SCAI: variants seen among roughly 807,000 people sequenced by gnomAD.
The protein encoded by SCAI is suppressor of cancer cell invasion, also known as protein SCAI.
SCAI carries 24 observed loss-of-function variants against 92.2 expected under a neutral mutation model. That is an observed-to-expected ratio of 0.26 (90% CI 0.19 to 0.37). The LOEUF is 0.37. SCAI is among the 10% of genes least tolerant of loss of function. SCAI has a pLI of 1.00. For synonymous variants in SCAI, 261 were observed against 258.6 expected, an observed-to-expected ratio of 1.01 and a Z score of -0.09; for missense variants, 450 against 736.2, an observed-to-expected ratio of 0.61 and a Z score of 4.50.
intron 2 of SCAI, among the ~76,000 whole-genome samples, chr9:125,088,596 T>A (rs1834367727): frequency 1.3e-5 from 2 of 152,148 alleles, no homozygotes; most frequent in African/African-American, 4.8e-5. Flanking sequence ...CAGTCTCAGG[T>A]AGTTCTTTAT....
intron 3 of SCAI, among the ~76,000 whole-genome samples, chr9:125,037,644 G>A (rs1833227389): frequency 6.6e-6 from 1 of 152,200 alleles, no homozygotes; most frequent in Non-Finnish European, 1.5e-5. Flanking sequence ...GCCGGGTACA[G>A]TGGCTCAAGC....
At chr9:125,125,830 TC>T (rs1835253821) in intron 2 of SCAI, among the ~76,000 whole-genome samples, 10 of 119,142 alleles carry the variant, frequency 8.4e-5, no homozygotes, top group African/African-American at 3.2e-4. Context: ...AGACTTTGTC[TC>T]AAAAAAAAAA....
chr9:125,037,183 T>C (rs1324885863), intron 3 of SCAI, among the ~76,000 whole-genome samples: 4 of 151,560 alleles, frequency 2.6e-5, no homozygotes, highest in Admixed American at 2.6e-4. Context: ...GCAGGAGAAT[T>C]GCTTGAAACT....
At position 124,963,570 on chromosome 9, in the gene SCAI, C is replaced by T. The variant is rs574364806; in HGVS notation, c.1674+7800G>A. 2.0e-5 allele frequency among the ~76,000 whole-genome samples: 3 copies of T among 151,528 alleles called. 1 individual carries two copies. The East Asian group carries it at 6.0e-4, about 30-fold the overall frequency. ...TTCGAGACCAGGTTGGCCAACATGG[C>T]GAAATCCCACCTCTACTAAAAATAC... On this transcript the variant is annotated intron_variant, in intron 17 of 17. Coordinates refer to ENST00000336505, the MANE Select transcript of SCAI (RefSeq NM_001144877.3).
At chr9:125,057,058 A>T (rs1833683474) in intron 2 of SCAI, among the ~76,000 whole-genome samples, 1 of 152,236 alleles carries the variant, frequency 6.6e-6, no homozygotes, top group African/African-American at 2.4e-5. Flanking sequence ...TTAAAAACTG[A>T]TTTGTGTTTA....
At chr9:125,066,266 A>T (rs1410986704) in intron 2 of SCAI, among the ~76,000 whole-genome samples, 1 of 152,056 alleles carries the variant, frequency 6.6e-6, no homozygotes, top group Non-Finnish European at 1.5e-5. Flanking sequence ...AAAATTTTTA[A>T]ATCAATTTAG....
At chr9:125,071,277 T>C (rs1448392744) in intron 2 of SCAI, among the ~76,000 whole-genome samples, 2 of 152,218 alleles carry the variant, frequency 1.3e-5, no homozygotes, top group African/African-American at 2.4e-5. Flanking sequence ...TGTGTGCCTA[T>C]AGTTCTAGCT....
chr9:124,968,974 T>G (rs981189926), intron 17 of SCAI: 64 of 387,626 alleles, frequency 1.7e-4, no homozygotes, highest in South Asian at 4.1e-4. Flanking sequence ...GTGTCTTAAG[T>G]GGAACTGCAC....
intron 14 of SCAI, among the ~76,000 whole-genome samples, chr9:124,988,913 G>A (rs911048389): frequency 2.6e-5 from 4 of 152,214 alleles, no homozygotes; most frequent in African/African-American, 9.6e-5. Flanking sequence ...GCTGAGGCGG[G>A]TGGATCACGA....
chr9:125,004,214 G>T (rs180981477), intron 9 of SCAI, among the ~76,000 whole-genome samples: 1 of 152,054 alleles, frequency 6.6e-6, no homozygotes, highest in Non-Finnish European at 1.5e-5. Context: ...GACTATATTA[G>T]GTTCTACAAA....
At chr9:125,027,501 T>C (rs1371839312) in intron 5 of SCAI, among the ~76,000 whole-genome samples, 1 of 151,816 alleles carries the variant, frequency 6.6e-6, no homozygotes, top group Non-Finnish European at 1.5e-5. Context: ...TTATTGCCTT[T>C]TCTTTTCTTT....
chr9:125,103,575 A>C (rs539379594), intron 2 of SCAI, among the ~76,000 whole-genome samples: 4 of 152,210 alleles, frequency 2.6e-5, no homozygotes, highest in Admixed American at 6.5e-5. Flanking sequence ...AGCGGTCCTT[A>C]CTATTCCAAC....
intron 2 of SCAI, among the ~76,000 whole-genome samples, chr9:125,075,795 C>T (rs186053506): frequency 1.3e-5 from 2 of 152,244 alleles, no homozygotes; most frequent in Admixed American, 1.3e-4. Context: ...GAACTCCTGA[C>T]CTCAAGTTTT....
chr9:125,006,358 A>G (rs1041471083), intron 9 of SCAI, among the ~76,000 whole-genome samples: 15 of 152,246 alleles, frequency 9.9e-5, no homozygotes, highest in African/African-American at 3.4e-4. Context: ...CAACATAGTG[A>G]GATGCACACC....
intron 2 of SCAI, among the ~76,000 whole-genome samples, chr9:125,112,611 C>G (rs1408370587): frequency 6.6e-6 from 1 of 152,226 alleles, no homozygotes; most frequent in African/African-American, 2.4e-5. Flanking sequence ...ACAATGGTGT[C>G]TGATGTCATC....
chr9:125,137,457 A>G (rs1835564242), intron 2 of SCAI, among the ~76,000 whole-genome samples: 1 of 152,228 alleles, frequency 6.6e-6, no homozygotes, highest in East Asian at 1.9e-4. Context: ...CAAAACACGT[A>G]TAGTCCCCAC....
chr9:125,108,834 C>T (rs1255227175), intron 2 of SCAI, among the ~76,000 whole-genome samples: 2 of 152,192 alleles, frequency 1.3e-5, no homozygotes, highest in African/African-American at 2.4e-5. Flanking sequence ...CCCCTCTGCC[C>T]GGCCACCACC....
At chr9:124,983,564 G>T (rs1374169181) in intron 14 of SCAI, among the ~76,000 whole-genome samples, 1 of 152,074 alleles carries the variant, frequency 6.6e-6, no homozygotes, top group Non-Finnish European at 1.5e-5. Context: ...TGTTGGCAAG[G>T]CTGGTCTCGA....
intron 14 of SCAI, among the ~76,000 whole-genome samples, chr9:124,982,373 G>A (rs1310255428): frequency 1.3e-5 from 2 of 151,956 alleles, no homozygotes; most frequent in Non-Finnish European, 2.9e-5. Context: ...GACTCTAAAG[G>A]TTTCAAAGTA....
Sources: allele counts gnomAD v4.1 joint callset (sites outside exome capture counted in the v4.1 genomes callset), GRCh38; gene constraint gnomAD v4.1.1; transcripts MANE v1.5; gene names NCBI Gene and HGNC (gene_info 2026-07-23, HGNC 2026-07-21).